Variants in MYO1H observed in about 807,000 individuals in gnomAD.
The protein encoded by MYO1H is unconventional myosin-Ih.
A neutral mutation model predicts 149.3 loss-of-function variants in MYO1H; 118 were observed. The ratio of observed to expected loss-of-function variants is 0.79; its 90% CI spans 0.68 to 0.92. The LOEUF is 0.92. Among genes scored for constraint, MYO1H ranks in the 40% least tolerant of loss-of-function variants. The pLI, the probability that MYO1H is intolerant of heterozygous loss-of-function variation, is 0.00. For missense variants in MYO1H, 1,212 were observed against 1,280.7 expected (o/e 0.95, Z 0.82); for synonymous variants, 447 against 465.2 (o/e 0.96, Z 0.50).
At chr12:109,440,863 G>A (rs1361556642) in intron 25 of MYO1H, 36 bp downstream of exon 25, 5 of 1,460,834 alleles carry the variant, frequency 3.4e-6, no homozygotes, top group South Asian at 2.4e-5. Context: ...CGGTGGTGGG[G>A]GTGGGTGTAA....
At chr12:109,427,627 C>A in intron 19 of MYO1H, 41 bp downstream of exon 19, 3 of 1,329,404 alleles carry the variant, frequency 2.3e-6, no homozygotes, top group Non-Finnish European at 3.3e-6. Context: ...TAGTCATGTG[C>A]CTACTACATG....
chr12:109,379,846 C>A (rs1252687876), intron 1 of MYO1H, among the ~76,000 whole-genome samples: 2 of 149,444 alleles, frequency 1.3e-5, no homozygotes, highest in Non-Finnish European at 3.0e-5. Flanking sequence ...CATTCTTTTG[C>A]CTCAGCCTCC....
intron 1 of MYO1H, among the ~76,000 whole-genome samples, chr12:109,349,961 GAA>G (rs10633763): frequency 2.3e-5 from 3 of 131,882 alleles, no homozygotes; most frequent in Admixed American, 7.6e-5. Flanking sequence ...ACTCTGTCTT[GAA>G]AAAAAAAAAA....
intron 9 of MYO1H, among the ~76,000 whole-genome samples, chr12:109,407,454 T>C (rs962952031): frequency 3.3e-5 from 5 of 151,984 alleles, no homozygotes; most frequent in African/African-American, 1.2e-4. Context: ...CCAGCATGTA[T>C]CCTTTGCCAG....
chr12:109,390,069 G>A (rs542451424), intron 2 of MYO1H, among the ~76,000 whole-genome samples: 7 of 152,260 alleles, frequency 4.6e-5, no homozygotes, highest in South Asian at 4.1e-4. Context: ...TGATTTGAAC[G>A]GATACATTTC....
At chr12:109,347,076 C>T (rs1047624783), upstream of MYO1H, among the ~76,000 whole-genome samples, 3 of 151,996 alleles carry the variant, frequency 2.0e-5, no homozygotes, top group South Asian at 2.1e-4. Context: ...TGAGGTCAGT[C>T]GCTGGACCCA....
intron 14 of MYO1H, among the ~76,000 whole-genome samples, chr12:109,413,329 G>A (rs1337544415): frequency 6.6e-6 from 1 of 152,056 alleles, no homozygotes; most frequent in Non-Finnish European, 1.5e-5. Flanking sequence ...ACAAGATGGG[G>A]GTTATTAACA....
the MYO1H span, among the ~76,000 whole-genome samples, chr12:109,313,872 T>A: frequency 1.3e-5 from 2 of 152,116 alleles, no homozygotes; most frequent in East Asian, 1.9e-4. Context: ...GAAAAGTGTT[T>A]TCTTTGGAGT....
intron 10 of MYO1H, among the ~76,000 whole-genome samples, chr12:109,409,240 CTTCTTCTTTTTTTTT>C (rs1256930241): frequency 5.5e-5 from 5 of 91,056 alleles, no homozygotes; most frequent in African/African-American, 2.1e-4. Context: ...TCTTCTTCTT[CTTCTTCTTTTTTTTT>C]TTTTTTTTTT....
intron 19 of MYO1H, among the ~76,000 whole-genome samples, chr12:109,431,520 A>T (rs540775317): frequency 6.6e-6 from 1 of 152,202 alleles, no homozygotes; most frequent in Non-Finnish European, 1.5e-5. Flanking sequence ...TGAGAACCCC[A>T]TGAGGAAGGT....
rs554635511 is a variant in MYO1H at position 109,418,305 on chromosome 12, C to CT, written c.1598-2673dup. Among the ~76,000 whole-genome samples the CT allele has an allele frequency of 4.0e-5, 6 of 151,480 alleles. No individual in the cohort carries two copies. In the East Asian group the frequency reaches 1.2e-3, roughly 29 times the overall value. ...ATGAAGTCTAATTGTTCTTCATTTT[C>CT]TTTAGTCACTTTTACTTTTGGTTTG... On this transcript the variant is annotated intron_variant, in intron 15 of 31. Transcript: ENST00000310903.
At chr12:109,377,781 A>G (rs946955126) in intron 1 of MYO1H, among the ~76,000 whole-genome samples, 2 of 152,228 alleles carry the variant, frequency 1.3e-5, no homozygotes, top group African/African-American at 4.8e-5. Context: ...AACATTCTAT[A>G]TGTCATGCAA....
At chr12:109,415,967 G>C (rs931647512) in intron 15 of MYO1H, among the ~76,000 whole-genome samples, 4 of 149,632 alleles carry the variant, frequency 2.7e-5, no homozygotes, top group Non-Finnish European at 5.9e-5. Flanking sequence ...TTTTGAGAGA[G>C]AGTCTCGCTG....
the MYO1H span, among the ~76,000 whole-genome samples, chr12:109,320,175 A>G: frequency 6.6e-6 from 1 of 152,026 alleles, no homozygotes; most frequent in Admixed American, 6.6e-5. Flanking sequence ...ATAGCTGGGC[A>G]TGGTGGGAGG....
At chr12:109,342,492 C>T in the MYO1H span, among the ~76,000 whole-genome samples, 17 of 146,890 alleles carry the variant, frequency 1.2e-4, no homozygotes, top group South Asian at 2.2e-4. Context: ...TTTTCTGTTG[C>T]GTGGTTTATG....
chr12:109,423,483 G>GTACA (rs1232627354), intron 16 of MYO1H, among the ~76,000 whole-genome samples: 2 of 152,328 alleles, frequency 1.3e-5, no homozygotes, highest in East Asian at 3.9e-4. Context: ...ATTTTAAAGT[G>GTACA]TACAGTTCAA....
At chr12:109,318,977 T>TTTTTG in the MYO1H span, among the ~76,000 whole-genome samples, 4 of 138,174 alleles carry the variant, frequency 2.9e-5, 1 homozygote, top group African/African-American at 1.2e-4. Flanking sequence ...GTTTTGTTTT[T>TTTTTG]TTTTTTTTTT....
intron 19 of MYO1H, among the ~76,000 whole-genome samples, chr12:109,429,454 T>C (rs969565694): frequency 6.6e-6 from 1 of 152,112 alleles, no homozygotes; most frequent in Admixed American, 6.6e-5. Context: ...ACAATAATAA[T>C]ACAAATTAAA....
chr12:109,357,892 G>T (rs1868644278), intron 1 of MYO1H, among the ~76,000 whole-genome samples: 1 of 150,730 alleles, frequency 6.6e-6, no homozygotes, highest in Admixed American at 6.6e-5. Context: ...CTATTCTCTT[G>T]ATTTTTTTCT....
Sources: allele counts gnomAD v4.1 joint callset (sites outside exome capture counted in the v4.1 genomes callset), GRCh38; gene constraint gnomAD v4.1.1; transcripts MANE v1.5; gene names NCBI Gene and HGNC (gene_info 2026-07-23, HGNC 2026-07-21).